Variants in NRXN3 observed in about 807,000 individuals in gnomAD.
NRXN3 encodes the protein neurexin III.
Under a neutral mutation model 137.6 loss-of-function variants are expected in NRXN3, and 32 were observed. The observed-to-expected ratio is 0.23, with a 90% confidence interval of 0.18 to 0.31. The LOEUF is 0.31. Among genes scored for constraint, NRXN3 ranks in the 10% least tolerant of loss-of-function variants. The pLI is 1.00. For missense variants in NRXN3, 1,574 were observed against 2,062.5 expected (o/e 0.76, Z 4.59); for synonymous variants, 798 against 784.5 (o/e 1.02, Z -0.29).
intron 2 of NRXN3, among the ~76,000 whole-genome samples, chr14:78,259,143 A>AG (rs2070237938): frequency 6.6e-6 from 1 of 151,906 alleles, no homozygotes; most frequent in Non-Finnish European, 1.5e-5. Flanking sequence ...AAAAAAAAAA[A>AG]AAAGAAAGAA....
intron 6 of NRXN3, among the ~76,000 whole-genome samples, chr14:78,675,805 T>A (rs1213891186): frequency 6.6e-6 from 1 of 152,202 alleles, no homozygotes; most frequent in Non-Finnish European, 1.5e-5. Context: ...TTGAATTTTC[T>A]TTTTTCAAAT....
chr14:78,430,669 T>C (rs1008334096), intron 4 of NRXN3, among the ~76,000 whole-genome samples: 1 of 152,216 alleles, frequency 6.6e-6, no homozygotes, highest in Non-Finnish European at 1.5e-5. Flanking sequence ...TGCATCCAGC[T>C]GAAAGGCTTT....
At chr14:78,189,798 C>T (rs749670380) in intron 1 of NRXN3, among the ~76,000 whole-genome samples, 8 of 152,152 alleles carry the variant, frequency 5.3e-5, no homozygotes, top group Non-Finnish European at 8.8e-5. Flanking sequence ...GTTGGTGAGG[C>T]TGGTCTCAAA....
intron 15 of NRXN3, among the ~76,000 whole-genome samples, chr14:79,352,607 C>A (rs764197038): frequency 3.1e-4 from 47 of 152,068 alleles, no homozygotes; most frequent in Non-Finnish European, 5.6e-4. Flanking sequence ...TGTTTGTCTT[C>A]TGGAAAGAAG....
At chr14:78,581,381 G>A (rs994636956) in intron 4 of NRXN3, among the ~76,000 whole-genome samples, 1 of 152,202 alleles carries the variant, frequency 6.6e-6, no homozygotes, top group African/African-American at 2.4e-5. Context: ...CTGCTTCCGG[G>A]ACGACAGCTT....
intron 4 of NRXN3, among the ~76,000 whole-genome samples, chr14:78,319,572 C>G (rs995367871): frequency 3.9e-5 from 6 of 152,184 alleles, no homozygotes; most frequent in Non-Finnish European, 7.3e-5. Context: ...CCAAGTCCCA[C>G]CCCCTTGCCC....
chr14:79,682,116 T>TATCA (rs1298517501), intron 17 of NRXN3, among the ~76,000 whole-genome samples: 19 of 152,326 alleles, frequency 1.2e-4, no homozygotes, highest in Admixed American at 1.2e-3. Context: ...AGTTACAATC[T>TATCA]ATCAGTGTTA....
At chr14:78,356,141 T>C (rs1199333735) in intron 4 of NRXN3, among the ~76,000 whole-genome samples, 2 of 152,256 alleles carry the variant, frequency 1.3e-5, no homozygotes. Flanking sequence ...TTTGCCTTCA[T>C]GGGCTTGGTT....
intron 4 of NRXN3, among the ~76,000 whole-genome samples, chr14:78,396,130 T>C (rs537837063): frequency 6.6e-6 from 1 of 151,944 alleles, no homozygotes; most frequent in East Asian, 1.9e-4. Flanking sequence ...TTTGAATGTA[T>C]TTCTTTGTAT....
intron 16 of NRXN3, among the ~76,000 whole-genome samples, chr14:79,622,097 A>G (rs1189883188): frequency 2.0e-5 from 3 of 152,174 alleles, no homozygotes; most frequent in African/African-American, 7.2e-5. Context: ...CTGTCCCAGT[A>G]TACTGTTGGA....
chr14:79,281,453 AG>A (rs2081262886), intron 15 of NRXN3, among the ~76,000 whole-genome samples: 1 of 152,114 alleles, frequency 6.6e-6, no homozygotes, highest in Non-Finnish European at 1.5e-5. Context: ...CTAAGGTAGG[AG>A]CTTGCTGTGG....
intron 17 of NRXN3, among the ~76,000 whole-genome samples, chr14:79,667,684 A>G (rs17836266): frequency 0.13 from 19,203 of 152,180 alleles, 1,313 homozygotes; most frequent in Middle Eastern, 0.25. Flanking sequence ...GCTAAGAAAC[A>G]GGAGAGGGAA....
intron 15 of NRXN3, among the ~76,000 whole-genome samples, chr14:79,268,381 A>G (rs1328858088): frequency 6.6e-6 from 1 of 152,210 alleles, no homozygotes; most frequent in African/African-American, 2.4e-5. Context: ...TGTTTCAAGC[A>G]TATTAGTTAG....
intron 15 of NRXN3, among the ~76,000 whole-genome samples, chr14:78,998,178 C>T (rs2099533925): frequency 6.6e-6 from 1 of 152,098 alleles, no homozygotes; most frequent in Non-Finnish European, 1.5e-5. Flanking sequence ...TGTCATTTTC[C>T]CGGTTATATC....
At chr14:78,935,809 A>G (rs1301658769) in intron 10 of NRXN3, among the ~76,000 whole-genome samples, 1 of 152,144 alleles carries the variant, frequency 6.6e-6, no homozygotes, top group South Asian at 2.1e-4. Context: ...AGCAAGACCA[A>G]GTTTTCCAGG....
At chr14:78,694,438 T>A (rs539621146) in intron 6 of NRXN3, among the ~76,000 whole-genome samples, 38 of 152,086 alleles carry the variant, frequency 2.5e-4, no homozygotes, top group Non-Finnish European at 4.3e-4. Flanking sequence ...ATAAGTAGTG[T>A]CTGAATAATG....
At chr14:79,659,519 T>C (rs1404352544) in intron 16 of NRXN3, among the ~76,000 whole-genome samples, 1 of 152,184 alleles carries the variant, frequency 6.6e-6, no homozygotes, top group Non-Finnish European at 1.5e-5. Context: ...TTTCACAATA[T>C]GTCTTGATGA....
At chr14:79,252,050 C>G (rs1157396450) in intron 15 of NRXN3, among the ~76,000 whole-genome samples, 2 of 152,152 alleles carry the variant, frequency 1.3e-5, no homozygotes, top group Non-Finnish European at 2.9e-5. Flanking sequence ...TCTGATAGTA[C>G]CTTTATCTAG....
At chr14:79,367,725 C>T (rs1174262655) in intron 15 of NRXN3, among the ~76,000 whole-genome samples, 1 of 152,120 alleles carries the variant, frequency 6.6e-6, no homozygotes, top group East Asian at 1.9e-4. Flanking sequence ...GATGAGGAAA[C>T]TGGGAATCAG....
Sources: allele counts gnomAD v4.1 joint callset (sites outside exome capture counted in the v4.1 genomes callset), GRCh38; gene constraint gnomAD v4.1.1; transcripts MANE v1.5; gene names NCBI Gene and HGNC (gene_info 2026-07-23, HGNC 2026-07-21).